Variants in GABRB1 observed in about 807,000 individuals in gnomAD.
The protein encoded by GABRB1 is gamma-aminobutyric acid type A receptor subunit beta1.
In GABRB1, 17 loss-of-function variants were observed where a neutral mutation model predicts 51.6. That is an observed-to-expected ratio of 0.33 (90% CI 0.23 to 0.49). GABRB1 has a LOEUF of 0.49. Among genes scored for constraint, GABRB1 ranks in the 20% least tolerant of loss-of-function variants. The pLI is 0.99. For synonymous variants in GABRB1, 247 were observed against 218.9 expected (o/e 1.13, Z -1.14); for missense variants, 410 against 600.6 (o/e 0.68, Z 3.32).
chr4:47,420,606 T>C (rs1729063279), intron 8 of GABRB1, among the ~76,000 whole-genome samples: 1 of 152,234 alleles, frequency 6.6e-6, no homozygotes, highest in South Asian at 2.1e-4. Context: ...TTAGGCAGCA[T>C]TTGGCCACTG....
At chr4:47,110,321 A>G (rs540310834) in intron 3 of GABRB1, among the ~76,000 whole-genome samples, 42 of 152,296 alleles carry the variant, frequency 2.8e-4, no homozygotes, top group Non-Finnish European at 2.6e-4. Context: ...ATTCTTACCT[A>G]TTCAGCACTA....
chr4:47,329,923 C>T (rs748049422), intron 5 of GABRB1, among the ~76,000 whole-genome samples: 14 of 151,994 alleles, frequency 9.2e-5, no homozygotes, highest in Non-Finnish European at 1.6e-4. Context: ...TGGAGGCTGA[C>T]GATCTCAAGA....
intron 4 of GABRB1, among the ~76,000 whole-genome samples, chr4:47,180,472 T>G (rs1718898292): frequency 6.6e-6 from 1 of 152,062 alleles, no homozygotes; most frequent in Admixed American, 6.6e-5. Context: ...GAGTTTCCTG[T>G]GAAACGGAAA....
rs545503968 is a variant in GABRB1 at position 47,172,469 on chromosome 4, ACTC to A, written c.461+11001_461+11003del. Among the ~76,000 whole-genome samples the A allele has an allele frequency of 3.9e-5, 6 of 151,988 alleles. No individual in the cohort carries two copies. In the East Asian group the frequency reaches 1.2e-3, roughly 30 times the overall value. On this transcript the variant is annotated intron_variant, in intron 4 of 8. Transcript: ENST00000295454. ...GAAGAAAATAGGCTTTGCCTAAATAACTCTTGTTTTCCTTACCCCTGCTTGTAA... is the reference window on the plus strand; with the variant it reads ...GAAGAAAATAGGCTTTGCCTAAATAATTGTTTTCCTTACCCCTGCTTGTAA...
intron 3 of GABRB1, among the ~76,000 whole-genome samples, chr4:47,077,974 TATATA>T (rs1727646047): frequency 2.6e-5 from 1 of 38,186 alleles, no homozygotes; most frequent in East Asian, 8.3e-4. Context: ...ATATATTTTA[TATATA>T]ATATATAATA....
intron 3 of GABRB1, among the ~76,000 whole-genome samples, chr4:47,047,175 T>A (rs1480034937): frequency 6.6e-6 from 1 of 151,902 alleles, no homozygotes. Flanking sequence ...AACAAAACAG[T>A]CTTCCAAAAA....
rs114065099 is a variant in GABRB1 at position 47,412,203 on chromosome 4, A to G, written c.1080+5277A>G. 5.7e-3 allele frequency among the ~76,000 whole-genome samples: 869 copies of G among 152,300 alleles called. 3 individuals are homozygous for G. The highest frequency in any genetic ancestry group is 8.4e-3 in the Non-Finnish European group (574 of 68,024). On this transcript the variant is annotated intron_variant, in intron 8 of 8. Transcript: ENST00000295454. ...TCTCCTTTTAAGCTACAGCTTCCCA[A>G]TTATACACCCCAGAGCCCTTGTCTT...
rs982663843 is a variant in GABRB1, at chr4:47,406,726, A to G, written c.880A>G (p.Arg294Gly). The G allele has an allele frequency of 1.6e-5, 26 of 1,614,158 alleles. No individual in the cohort carries two copies. Among genetic ancestry groups the G allele is most frequent in the Non-Finnish European group, 2.1e-5 (25 of 1,180,002 alleles). ...AATGACAACCATCAGCACCCACCTC[A>G]GGGAGACCCTGCCAAAGATCCCTTA... Reference protein sequence around the residue: ...LTMTTISTHLRETLPKIPYVK... With the variant: ...LTMTTISTHLGETLPKIPYVK... Residue 294 changes from arginine (R) to glycine (G), a missense_variant, in exon 8 of 9, where the codon AGG becomes GGG. By Grantham distance (125) the Arg-to-Gly change is moderately radical. Coordinates refer to ENST00000295454, the MANE Select transcript of GABRB1 (RefSeq NM_000812.4).
At chr4:47,347,010 G>A (rs1004719419) in intron 5 of GABRB1, among the ~76,000 whole-genome samples, 5 of 152,080 alleles carry the variant, frequency 3.3e-5, no homozygotes, top group Non-Finnish European at 2.9e-5. Flanking sequence ...GCAGGGCGCC[G>A]GTGACTCACT....
At position 46,998,267 on chromosome 4, in the gene GABRB1, T is replaced by C. The variant is rs565802997; in HGVS notation, c.-20+4341T>C. Among the ~76,000 whole-genome samples, 3 of 152,340 alleles carry C rather than the reference T, an allele frequency of 2.0e-5. No homozygotes were observed. In the East Asian group the frequency reaches 5.8e-4, roughly 29 times the overall value. On this transcript the variant is annotated intron_variant, in intron 1 of 3. Transcript: ENST00000513567. Reference sequence around the variant, plus strand: ...TTGGAAAGTCACCTATTATAGTATGTATTTTAGATTATTAATTATTTTTTT... The same window carrying C: ...TTGGAAAGTCACCTATTATAGTATGCATTTTAGATTATTAATTATTTTTTT...
intron 4 of GABRB1, among the ~76,000 whole-genome samples, chr4:47,252,129 T>C (rs538810816): frequency 2.5e-5 from 3 of 120,588 alleles, no homozygotes; most frequent in Non-Finnish European, 4.8e-5. Context: ...GCCCTCCAGA[T>C]GGATCCCTGT....
intron 4 of GABRB1, among the ~76,000 whole-genome samples, chr4:47,279,779 T>A (rs1723209214): frequency 6.6e-6 from 1 of 152,022 alleles, no homozygotes; most frequent in Non-Finnish European, 1.5e-5. Flanking sequence ...TTTCTATCCC[T>A]TAATTTTCAA....
intron 5 of GABRB1, among the ~76,000 whole-genome samples, chr4:47,388,090 G>A (rs1727864543): frequency 1.3e-5 from 2 of 152,046 alleles, no homozygotes; most frequent in Admixed American, 6.5e-5. Flanking sequence ...AATTAATCAA[G>A]GGTCTTAAAC....
chr4:47,106,418 A>C (rs1351349879), intron 3 of GABRB1, among the ~76,000 whole-genome samples: 1 of 152,088 alleles, frequency 6.6e-6, no homozygotes, highest in Non-Finnish European at 1.5e-5. Context: ...TGGAAATTCA[A>C]ATCTATGTTA....
intron 3 of GABRB1, among the ~76,000 whole-genome samples, chr4:47,111,771 G>T (rs1356863433): frequency 2.0e-5 from 3 of 151,916 alleles, no homozygotes; most frequent in Non-Finnish European, 4.4e-5. Context: ...AGGCTGAGGT[G>T]GGAGGATTAC....
intron 5 of GABRB1, among the ~76,000 whole-genome samples, chr4:47,338,174 C>CAAAG (rs1725766344): frequency 6.6e-6 from 1 of 152,186 alleles, no homozygotes; most frequent in South Asian, 2.1e-4. Flanking sequence ...CCAATCAAAT[C>CAAAG]AAAGCTCTCT....
intron 4 of GABRB1, among the ~76,000 whole-genome samples, chr4:47,243,157 G>T (rs879058826): frequency 6.6e-6 from 1 of 152,142 alleles, no homozygotes. Flanking sequence ...TTTCCCCATT[G>T]CTTGTTTTTG....
intron 4 of GABRB1, among the ~76,000 whole-genome samples, chr4:47,212,754 T>C (rs1720412696): frequency 6.6e-6 from 1 of 152,158 alleles, no homozygotes; most frequent in South Asian, 2.1e-4. Context: ...ATTATTCCTA[T>C]AAAAAATAAA....
Position 47,426,141 on chromosome 4 carries a change from G to A in GABRB1, c.*123G>A, listed in dbSNP as rs1729286014. On this transcript the variant is annotated 3_prime_UTR_variant, in exon 9 of 9. Coordinates refer to ENST00000295454, the MANE Select transcript of GABRB1 (RefSeq NM_000812.4). ...AGATTCAGCCATCCAATTGGTTTTA[G>A]GTCTTGCATATCAGTTTTATTACTG... 2.6e-5 allele frequency: 20 copies of A among 755,944 alleles called. No homozygotes were observed. The highest frequency in any genetic ancestry group is 4.2e-5 in the Non-Finnish European group (20 of 474,792). The allele number at this position is 755,944 out of a possible 1,614,324, so 46.8% of individuals were successfully genotyped here. A position where few individuals can be genotyped will look rare whatever the true frequency, so the allele number is the denominator to read the frequency against.
Sources: gnomAD v4.1 joint callset for allele counts (sites outside exome capture counted in the v4.1 genomes callset) on GRCh38, gnomAD v4.1.1 for gene constraint, MANE v1.5 for transcripts, NCBI Gene and HGNC (gene_info 2026-07-23, HGNC 2026-07-21) for gene names.